The following KIF6 variants were observed in gnomAD, a reference collection of about 807,000 sequenced individuals.
KIF6 encodes the protein kinesin-like protein KIF6.
KIF6 carries 106 observed loss-of-function variants against 112.7 expected under a neutral mutation model. The observed-to-expected ratio is 0.94, with a 90% CI of 0.80 to 1.11. The LOEUF is 1.11. KIF6 is among the 50% of genes least tolerant of loss of function. The probability of loss-of-function intolerance (pLI) is 0.00; values close to 1 mark genes in which losing one functional copy is unlikely to be tolerated. For missense variants in KIF6, 929 were observed against 964.0 expected (o/e 0.96, Z 0.48); for synonymous variants, 339 against 339.9 (o/e 1.00, Z 0.03).
chr6:39,561,647 G>A (rs1238183533), intron 10 of KIF6, among the ~76,000 whole-genome samples: 5 of 152,224 alleles, frequency 3.3e-5, no homozygotes, highest in East Asian at 1.9e-4. Context: ...GTGAGCCGCC[G>A]CACCTGGCCA....
chr6:39,490,795 A>C (rs533706736), intron 13 of KIF6, among the ~76,000 whole-genome samples: 2 of 152,022 alleles, frequency 1.3e-5, no homozygotes, highest in Non-Finnish European at 2.9e-5. Context: ...GTCAAAACAA[A>C]ACTTCATCTG....
At chr6:39,668,564 T>A (rs1786618001) in intron 3 of KIF6, among the ~76,000 whole-genome samples, 2 of 152,188 alleles carry the variant, frequency 1.3e-5, no homozygotes, top group African/African-American at 4.8e-5. Context: ...CTTGAATACT[T>A]CGTGTGATGA....
chr6:39,472,653 T>C (rs1329334333), intron 13 of KIF6, among the ~76,000 whole-genome samples: 1 of 152,210 alleles, frequency 6.6e-6, no homozygotes, highest in African/African-American at 2.4e-5. Flanking sequence ...TCTAGTTTTG[T>C]TTTGTTTTTC....
intron 5 of KIF6, among the ~76,000 whole-genome samples, 163 bp from the exon 6 acceptor site, chr6:39,613,481 A>T (rs1783336148): frequency 6.6e-6 from 1 of 152,198 alleles, no homozygotes; most frequent in South Asian, 2.1e-4. Flanking sequence ...TCAAACACTG[A>T]CATTCCCTTC....
intron 12 of KIF6, among the ~76,000 whole-genome samples, chr6:39,542,484 A>G (rs1372554405): frequency 1.3e-5 from 2 of 152,110 alleles, no homozygotes; most frequent in Admixed American, 1.3e-4. Flanking sequence ...TGTGAAACTC[A>G]ATTATAATCA....
chr6:39,475,300 T>C (rs1774358554), intron 13 of KIF6, among the ~76,000 whole-genome samples: 2 of 152,244 alleles, frequency 1.3e-5, no homozygotes, highest in Non-Finnish European at 2.9e-5. Flanking sequence ...GACTGTTAAA[T>C]GCTGAACATA....
At chr6:39,426,244 G>T (rs1770756153) in intron 14 of KIF6, among the ~76,000 whole-genome samples, 1 of 152,188 alleles carries the variant, frequency 6.6e-6, no homozygotes, top group African/African-American at 2.4e-5. Flanking sequence ...AATTGCAATT[G>T]TTCTCTGCTG....
chr6:39,725,363 A>C lies in KIF6; in HGVS notation c.-53T>G, dbSNP rs1199786288. On this transcript the variant is annotated 5_prime_UTR_variant, in exon 1 of 23. Coordinates refer to ENST00000287152, the MANE Select transcript of KIF6 (RefSeq NM_145027.6). ...GACCTCTCTCAGGCCCGGGCTGCCA[A>C]AACTAACTCCCACCACCTCCGGCGA... 2 of 1,486,000 alleles carry C rather than the reference A, an allele frequency of 1.3e-6. No homozygotes were observed. The highest frequency in any genetic ancestry group is 2.4e-5 in the East Asian group (1 of 41,288). The allele number at this position is 1,486,000 out of a possible 1,614,324, so 92.1% of individuals were successfully genotyped here. A position where few individuals can be genotyped will look rare whatever the true frequency, so the allele number is the denominator to read the frequency against.
chr6:39,561,043 T>C (rs1016489539), intron 10 of KIF6, among the ~76,000 whole-genome samples: 3 of 152,236 alleles, frequency 2.0e-5, no homozygotes, highest in African/African-American at 2.4e-5. Flanking sequence ...GGGGCACTTA[T>C]GGACTATGCA....
intron 13 of KIF6, among the ~76,000 whole-genome samples, chr6:39,514,185 C>T (rs1255320630): frequency 6.6e-6 from 1 of 152,184 alleles, no homozygotes; most frequent in Non-Finnish European, 1.5e-5. Context: ...CCCCAAATTG[C>T]AGTCCCCACA....
At chr6:39,717,360 G>T (rs1789916209) in intron 2 of KIF6, among the ~76,000 whole-genome samples, 1 of 152,014 alleles carries the variant, frequency 6.6e-6, no homozygotes, top group Non-Finnish European at 1.5e-5. Flanking sequence ...AAACATGCCG[G>T]GCGTTCTCCC....
intron 12 of KIF6, among the ~76,000 whole-genome samples, chr6:39,541,190 A>G (rs1019018367): frequency 1.3e-5 from 2 of 152,200 alleles, no homozygotes; most frequent in Non-Finnish European, 2.9e-5. Context: ...GCGGACAGGT[A>G]CCCAGATGAT....
intron 3 of KIF6, among the ~76,000 whole-genome samples, chr6:39,714,164 T>G (rs1789701844): frequency 6.6e-6 from 1 of 152,142 alleles, no homozygotes; most frequent in Non-Finnish European, 1.5e-5. Context: ...TCATGTGAGT[T>G]TGGTTCTAGT....
At chr6:39,439,133 A>C (rs184742182) in intron 13 of KIF6, among the ~76,000 whole-genome samples, 1 of 152,324 alleles carries the variant, frequency 6.6e-6, no homozygotes, top group East Asian at 1.9e-4. Flanking sequence ...TCAGTTGTTA[A>C]GTGACACAAG....
intron 4 of KIF6, among the ~76,000 whole-genome samples, chr6:39,635,354 T>A (rs1218928169): frequency 6.6e-6 from 1 of 152,114 alleles, no homozygotes; most frequent in African/African-American, 2.4e-5. Flanking sequence ...AGAACACAGA[T>A]CATTACTTTG....
intron 13 of KIF6, among the ~76,000 whole-genome samples, chr6:39,538,370 G>T (rs1447485539): frequency 6.6e-6 from 1 of 151,358 alleles, no homozygotes; most frequent in Non-Finnish European, 1.5e-5. Flanking sequence ...AAATTTACAA[G>T]AAAAAAACAA....
chr6:39,338,703 T>C (rs1407287787), intron 22 of KIF6, among the ~76,000 whole-genome samples: 1 of 152,156 alleles, frequency 6.6e-6, no homozygotes, highest in Non-Finnish European at 1.5e-5. Context: ...TTCTGAGGCA[T>C]GGCCATGGCT....
intron 9 of KIF6, among the ~76,000 whole-genome samples, chr6:39,580,438 T>C (rs1483006643): frequency 6.6e-6 from 1 of 152,110 alleles, no homozygotes; most frequent in African/African-American, 2.4e-5. Context: ...TAATGACAGA[T>C]GTTTTTCTTC....
intron 13 of KIF6, among the ~76,000 whole-genome samples, chr6:39,456,050 C>G (rs1304692934): frequency 3.5e-5 from 2 of 57,848 alleles, no homozygotes; most frequent in African/African-American, 1.4e-4. Context: ...AGAAGAGCAA[C>G]TCCAAGACAC....
Sources: gnomAD v4.1 joint callset for allele counts (sites outside exome capture counted in the v4.1 genomes callset) on GRCh38, gnomAD v4.1.1 for gene constraint, MANE v1.5 for transcripts, NCBI Gene and HGNC (gene_info 2026-07-23, HGNC 2026-07-21) for gene names.